Variants in GRM1 observed in about 807,000 individuals in gnomAD.
GRM1 encodes glutamate metabotropic receptor 1.
In GRM1, 33 loss-of-function variants were observed where a neutral mutation model predicts 90.9. The ratio of observed to expected loss-of-function variants is 0.36; its 90% CI spans 0.28 to 0.49. The LOEUF is 0.49. GRM1 is among the 20% of genes least tolerant of loss of function. The pLI is 0.99. For synonymous variants in GRM1, 700 were observed against 613.2 expected (o/e 1.14, Z -2.09); for missense variants, 1,190 against 1,534.3 (o/e 0.78, Z 3.75).
intron 2 of GRM1, among the ~76,000 whole-genome samples, chr6:146,280,931 C>T (rs530374258): frequency 6.6e-6 from 1 of 152,154 alleles, no homozygotes; most frequent in South Asian, 2.1e-4. Context: ...ACCCAAGTAG[C>T]ATTTTTTATG....
At chr6:146,360,517 A>G (rs528448569) in intron 5 of GRM1, among the ~76,000 whole-genome samples, 12 of 152,194 alleles carry the variant, frequency 7.9e-5, no homozygotes, top group Non-Finnish European at 1.3e-4. Flanking sequence ...AAAATGGGGT[A>G]CTGAGGCAAC....
intron 2 of GRM1, among the ~76,000 whole-genome samples, chr6:146,289,007 G>A (rs1782878073): frequency 6.6e-6 from 1 of 152,080 alleles, no homozygotes; most frequent in Admixed American, 6.6e-5. Context: ...ACTTATAATT[G>A]TGTACAGTGC....
At chr6:146,241,051 T>C (rs1001089083) in intron 2 of GRM1, among the ~76,000 whole-genome samples, 25 of 152,144 alleles carry the variant, frequency 1.6e-4, no homozygotes, top group Non-Finnish European at 3.4e-4. Flanking sequence ...CCAAAATCTA[T>C]GCCTGCCTCA....
intron 2 of GRM1, among the ~76,000 whole-genome samples, chr6:146,196,077 G>C (rs1171965434): frequency 6.6e-6 from 1 of 152,210 alleles, no homozygotes; most frequent in Non-Finnish European, 1.5e-5. Flanking sequence ...CACAGGTGTG[G>C]TGGAAAGAAC....
At chr6:146,129,890 A>G (rs1382760861) in intron 1 of GRM1, among the ~76,000 whole-genome samples, 1 of 152,140 alleles carries the variant, frequency 6.6e-6, no homozygotes, top group East Asian at 1.9e-4. Flanking sequence ...GGCTAGAGTC[A>G]TAGATGTTCA....
At chr6:146,117,243 A>G (rs1365971449) in intron 1 of GRM1, among the ~76,000 whole-genome samples, 2 of 150,950 alleles carry the variant, frequency 1.3e-5, no homozygotes, top group South Asian at 2.1e-4. Context: ...TATTTATTGT[A>G]TTCTCTGCTA....
chr6:146,430,917 C>G (rs1409382952), intron 7 of GRM1, among the ~76,000 whole-genome samples: 1 of 152,140 alleles, frequency 6.6e-6, no homozygotes, highest in Non-Finnish European at 1.5e-5. Context: ...TTAAAAACAG[C>G]AGTGCATTGT....
intron 3 of GRM1, among the ~76,000 whole-genome samples, chr6:146,309,367 C>G (rs1406948813): frequency 6.6e-6 from 1 of 151,034 alleles, no homozygotes; most frequent in African/African-American, 2.4e-5. Context: ...CCACTGCACT[C>G]TAGCCTGAGT....
chr6:146,059,312 T>C (rs1562435892), intron 1 of GRM1, among the ~76,000 whole-genome samples: 1 of 152,134 alleles, frequency 6.6e-6, no homozygotes, highest in South Asian at 2.1e-4. Context: ...CCCTCAGAAC[T>C]CTTGGGTGAC....
intron 2 of GRM1, among the ~76,000 whole-genome samples, chr6:146,242,505 C>A (rs1314245424): frequency 1.3e-5 from 2 of 152,108 alleles, no homozygotes; most frequent in African/African-American, 4.8e-5. Flanking sequence ...CTAAAATGAT[C>A]ACATGCCACC....
intron 3 of GRM1, among the ~76,000 whole-genome samples, chr6:146,325,902 C>A (rs571556244): frequency 2.1e-4 from 32 of 152,250 alleles, no homozygotes; most frequent in African/African-American, 5.1e-4. Flanking sequence ...TATAAAACAT[C>A]CACTTCCTTA....
intron 2 of GRM1, among the ~76,000 whole-genome samples, chr6:146,175,433 T>A (rs537714683): frequency 1.7e-3 from 260 of 152,336 alleles, no homozygotes; most frequent in African/African-American, 5.9e-3. Context: ...AAATGTCATC[T>A]ATTTTAAAAG....
chr6:146,202,109 A>T (rs1562526135), intron 2 of GRM1, among the ~76,000 whole-genome samples: 1 of 152,162 alleles, frequency 6.6e-6, no homozygotes, highest in African/African-American at 2.4e-5. Context: ...AGAAATATGC[A>T]CTCCATAAAT....
intron 6 of GRM1, among the ~76,000 whole-genome samples, chr6:146,391,380 C>T (rs954573936): frequency 2.0e-5 from 3 of 152,168 alleles, no homozygotes; most frequent in South Asian, 2.1e-4. Context: ...ATAACCCTAA[C>T]CATAAACATT....
intron 2 of GRM1, among the ~76,000 whole-genome samples, chr6:146,179,833 AT>A (rs1205270571): frequency 4.0e-5 from 6 of 150,186 alleles, no homozygotes; most frequent in South Asian, 2.2e-4. Context: ...AGAACCTTTA[AT>A]TTTTTTTTGT....
chr6:146,382,746 GAGTGACCTAATT>G (rs1376368006), intron 5 of GRM1, among the ~76,000 whole-genome samples: 27 of 152,124 alleles, frequency 1.8e-4, no homozygotes, highest in Non-Finnish European at 3.1e-4. Flanking sequence ...AAAGTTCTTT[GAGTGACCTAATT>G]ATATTTTTGA....
intron 2 of GRM1, among the ~76,000 whole-genome samples, chr6:146,292,746 C>T (rs1202946003): frequency 6.6e-6 from 1 of 151,752 alleles, no homozygotes; most frequent in Non-Finnish European, 1.5e-5. Flanking sequence ...ACCATATGAC[C>T]CAGCATTTTC....
intron 1 of GRM1, among the ~76,000 whole-genome samples, chr6:146,144,021 A>G (rs1471828290): frequency 1.3e-5 from 2 of 152,210 alleles, no homozygotes; most frequent in African/African-American, 4.8e-5. Flanking sequence ...GGGCTACCAA[A>G]CAAAATTATT....
At chr6:146,081,815 TC>T (rs1375596652) in intron 1 of GRM1, among the ~76,000 whole-genome samples, 1 of 152,146 alleles carries the variant, frequency 6.6e-6, no homozygotes, top group African/African-American at 2.4e-5. Flanking sequence ...AACATATGAA[TC>T]CAATCATGAA....
Sources: gnomAD v4.1 joint callset for allele counts (sites outside exome capture counted in the v4.1 genomes callset) on GRCh38, gnomAD v4.1.1 for gene constraint, MANE v1.5 for transcripts, NCBI Gene and HGNC (gene_info 2026-07-23, HGNC 2026-07-21) for gene names.